The following TRIM49C variants were observed in gnomAD, a reference collection of about 807,000 sequenced individuals.
TRIM49C encodes the protein tripartite motif containing 49C, also known as tripartite motif-containing protein 49C.
In TRIM49C, 6 loss-of-function variants were observed where a neutral mutation model predicts 21.4. That is an observed-to-expected ratio of 0.28 (90% CI 0.15 to 0.55). TRIM49C has a LOEUF of 0.55. Ranked by LOEUF, TRIM49C falls within the 20% of genes least tolerant of loss-of-function variation. The pLI is 0.94. For synonymous variants in TRIM49C, 57 were observed against 148.1 expected (o/e 0.38, Z 4.47); for missense variants, 161 against 442.4 (o/e 0.36, Z 5.71).
At chr11:90,045,179 C>T (rs1456715022), downstream of TRIM49C, among the ~76,000 whole-genome samples, 3 of 136,868 alleles carry the variant, frequency 2.2e-5, 1 homozygote, top group African/African-American at 7.9e-5. Flanking sequence ...GTTACTGTAG[C>T]CTTGTAGTAT....
chr11:90,073,234 T>G, the TRIM49C span: 3 of 948,024 alleles, frequency 3.2e-6, no homozygotes, highest in African/African-American at 4.9e-5. Flanking sequence ...TTCCTCACTA[T>G]GTAGAGAAAC....
the TRIM49C span, chr11:90,072,787 A>AT: frequency 3.2e-6 from 1 of 313,610 alleles, no homozygotes; most frequent in Non-Finnish European, 5.7e-6. Context: ...TGATTCCAAC[A>AT]TTTTTCCAGG....
chr11:90,053,391 AT>A, the TRIM49C span: 1 of 143,246 alleles, frequency 7.0e-6, no homozygotes, highest in Admixed American at 7.6e-5. Context: ...AAGTCGTGGT[AT>A]CAGGCGACAT....
the TRIM49C span, among the ~76,000 whole-genome samples, chr11:90,067,477 A>C: frequency 5.4e-3 from 806 of 148,500 alleles, 12 homozygotes; most frequent in African/African-American, 0.019. Context: ...CATGAGATAA[A>C]CACAGGGTTT....
In TRIM49C at chr11:90,038,577, G is replaced by T. The variant is rs564737973; in HGVS notation, c.739-116G>T. The T allele has an allele frequency of 7.4e-4, 883 of 1,200,044 alleles. 161 individuals carry two copies. Among genetic ancestry groups the T allele is most frequent in the Admixed American group, 7.4e-5 (2 of 27,026 alleles). 74.3% of individuals were successfully genotyped at this position (1,200,044 alleles called of 1,614,324 possible). ...AAGAAATAGAAAATACTTTCCAGAA[G>T]AGAAGATGGTAGGGAAATAATATCT... On this transcript the variant is annotated intron_variant, in intron 5 of 7. Transcript: ENST00000448984.
At chr11:90,033,963 A>G (rs1056648048) in intron 2 of TRIM49C, among the ~76,000 whole-genome samples, 1 of 133,082 alleles carries the variant, frequency 7.5e-6, no homozygotes, top group African/African-American at 2.8e-5. Context: ...AAAACAAAAA[A>G]AAAAACTAAA....
At chr11:90,062,227 A>G in the TRIM49C span, among the ~76,000 whole-genome samples, 7 of 137,278 alleles carry the variant, frequency 5.1e-5, no homozygotes, top group Non-Finnish European at 9.3e-5. Flanking sequence ...GTGAAAAATG[A>G]TAGAAACATA....
chr11:90,071,584 G>A, the TRIM49C span: 57 of 531,480 alleles, frequency 1.1e-4, 16 homozygotes, highest in Admixed American at 1.7e-3. Context: ...TCCTAGGATT[G>A]TGGAGGTACA....
At chr11:90,034,713 T>A (rs1420179727) in intron 2 of TRIM49C, among the ~76,000 whole-genome samples, 1 of 132,270 alleles carries the variant, frequency 7.6e-6, no homozygotes, top group Admixed American at 8.6e-5. Context: ...GATAAACTTG[T>A]GCCATGGTGG....
chr11:90,053,749 G>A, the TRIM49C span: 1 of 143,138 alleles, frequency 7.0e-6, no homozygotes, highest in Non-Finnish European at 1.5e-5. Context: ...GGAGGCGTGG[G>A]CGGGGGATCG....
the TRIM49C span, among the ~76,000 whole-genome samples, chr11:90,060,336 C>G: frequency 1.3e-5 from 2 of 149,972 alleles, no homozygotes; most frequent in African/African-American, 2.4e-5. Flanking sequence ...TTTTCTCATA[C>G]TCTTGTTTCT....
the TRIM49C span, among the ~76,000 whole-genome samples, chr11:90,064,292 A>T: frequency 0.2 from 29,927 of 147,950 alleles, 471 homozygotes; most frequent in African/African-American, 0.32. Flanking sequence ...TTGTCAATTC[A>T]GATGATTAGA....
the TRIM49C span, chr11:90,071,822 C>T: frequency 2.4e-6 from 2 of 825,974 alleles, no homozygotes; most frequent in South Asian, 3.0e-5. Flanking sequence ...GTGGGATCAA[C>T]ATGCAATGCC....
At chr11:90,071,720 G>T in the TRIM49C span, 1 of 1,268,178 alleles carries the variant, frequency 7.9e-7, no homozygotes, top group Non-Finnish European at 1.1e-6. Context: ...TGCTGCACAT[G>T]CTCCAGCCTG....
chr11:90,040,817 GTC>G (rs1167983051), intron 7 of TRIM49C, among the ~76,000 whole-genome samples: 3 of 125,392 alleles, frequency 2.4e-5, no homozygotes, highest in African/African-American at 8.4e-5. Flanking sequence ...AAAGAAGTTG[GTC>G]TCACATTTGG....
the TRIM49C span, chr11:90,062,852 T>C: frequency 7.2e-7 from 1 of 1,395,718 alleles, no homozygotes; most frequent in Non-Finnish European, 9.5e-7. Context: ...GGCAGCGCAT[T>C]GGTGCTCTGC....
intron 2 of TRIM49C, among the ~76,000 whole-genome samples, chr11:90,034,734 G>A (rs1308406694): frequency 1.5e-5 from 2 of 132,982 alleles, no homozygotes; most frequent in Non-Finnish European, 3.2e-5. Flanking sequence ...TTTGCTGCCC[G>A]GCTTTTGTGA....
the TRIM49C span, chr11:90,051,917 G>T: frequency 6.3e-6 from 4 of 635,076 alleles, no homozygotes; most frequent in Non-Finnish European, 7.6e-6. Flanking sequence ...TCCGCCTCGG[G>T]TTTCTCCTCC....
chr11:90,071,768 G>A, the TRIM49C span: 404 of 1,165,720 alleles, frequency 3.5e-4, 52 homozygotes, highest in African/African-American at 3.7e-3. Context: ...TCACAGGACC[G>A]GTGGACAGGC....
Sources: allele counts gnomAD v4.1 joint callset (sites outside exome capture counted in the v4.1 genomes callset), GRCh38; gene constraint gnomAD v4.1.1; transcripts MANE v1.5; gene names NCBI Gene and HGNC (gene_info 2026-07-23, HGNC 2026-07-21).